The following ANK3 variants were observed in gnomAD, a reference collection of about 807,000 sequenced individuals.
ANK3 encodes the protein ankyrin-3.
Under a neutral mutation model 370.9 loss-of-function variants are expected in ANK3, and 57 were observed. The observed-to-expected ratio is 0.15, with a 90% confidence interval of 0.12 to 0.19. The LOEUF is 0.19. Ranked by LOEUF, ANK3 falls within the 10% of genes least tolerant of loss-of-function variation. The pLI is 1.00. For missense variants in ANK3, 4,439 were observed against 5,302.1 expected, an observed-to-expected ratio of 0.84 and a Z score of 5.06; for synonymous variants, 1,929 against 1,946.3, an observed-to-expected ratio of 0.99 and a Z score of 0.23.
intron 42 of ANK3, among the ~76,000 whole-genome samples, chr10:60,054,220 T>A (rs890240790): frequency 6.6e-6 from 1 of 152,218 alleles, no homozygotes; most frequent in African/African-American, 2.4e-5. Context: ...AATACCACTA[T>A]GTTATTGCTT....
chr10:60,388,620 G>A (rs1469150103), intron 1 of ANK3, among the ~76,000 whole-genome samples: 3 of 152,018 alleles, frequency 2.0e-5, no homozygotes, highest in Non-Finnish European at 4.4e-5. Context: ...AGTACTCACG[G>A]GCTATAATAA....
At chr10:60,647,465 A>C (rs2078723793) in intron 1 of ANK3, among the ~76,000 whole-genome samples, 1 of 152,172 alleles carries the variant, frequency 6.6e-6, no homozygotes, top group Non-Finnish European at 1.5e-5. Flanking sequence ...ATCACTGGAC[A>C]ACTTAATTGA....
intron 28 of ANK3, among the ~76,000 whole-genome samples, chr10:60,101,408 T>A (rs943872158): frequency 6.6e-6 from 1 of 152,210 alleles, no homozygotes; most frequent in African/African-American, 2.4e-5. Context: ...TAAACATGTT[T>A]AATTAAACTT....
At chr10:60,301,135 T>TAC (rs2043627009) in intron 1 of ANK3, among the ~76,000 whole-genome samples, 1 of 147,872 alleles carries the variant, frequency 6.8e-6, no homozygotes, top group South Asian at 2.1e-4. Flanking sequence ...TATATATATA[T>TAC]ATATATATAT....
In ANK3 at chr10:60,186,744, T is replaced by C. The variant is rs1273208051; in HGVS notation, c.2056A>G (p.Arg686Gly). The change falls in exon 17 of 44, where the codon AGA (arginine) becomes GGA (glycine). Residue 686 changes from arginine to glycine, a missense_variant. This residue lies in a region of ANK3 where 192 missense variants were observed against 192.1 expected (regional missense o/e 1.00). Transcript: ENST00000280772. Reference sequence around the variant, plus strand: ...TTGCTCAGGTTCACATTCGCATTTCTACCGAGGAGCAGCGACACCATGTCC... The same window carrying C: ...TTGCTCAGGTTCACATTCGCATTTCCACCGAGGAGCAGCGACACCATGTCC... ...HVDMVSLLLGRNANVNLSNKS... is the reference protein window; with the variant it reads ...HVDMVSLLLGGNANVNLSNKS... 2 of 1,614,078 alleles carry C rather than the reference T, an allele frequency of 1.2e-6. No individual in the cohort carries two copies. The highest frequency in any genetic ancestry group is 1.1e-5 in the South Asian group (1 of 91,072).
intron 1 of ANK3, among the ~76,000 whole-genome samples, chr10:60,358,831 T>G (rs2058175921): frequency 6.6e-6 from 1 of 152,230 alleles, no homozygotes; most frequent in Non-Finnish European, 1.5e-5. Flanking sequence ...GTTCCTTCTG[T>G]TTGATAAACC....
upstream of ANK3, among the ~76,000 whole-genome samples, chr10:60,393,157 A>G (rs1271425932): frequency 6.6e-6 from 1 of 152,230 alleles, no homozygotes; most frequent in Non-Finnish European, 1.5e-5. Context: ...AAAGGTACTT[A>G]TAATAAACAT....
rs543255912 is a variant in ANK3, at chr10:60,583,242, G to A, written c.96+31944C>T. 1.3e-4 allele frequency among the ~76,000 whole-genome samples: 20 copies of A among 152,238 alleles called. No individual in the cohort carries two copies. In the East Asian group the frequency reaches 3.1e-3, roughly 24 times the overall value. On this transcript the variant is annotated intron_variant, in intron 2 of 43. Transcript: ENST00000373827. ...GAATCTGGAGAACATTACCTGAAGC[G>A]AAATAAGCCAGGCACAGAAAGAGAA...
chr10:60,227,567 T>C (rs1592074940), intron 8 of ANK3, among the ~76,000 whole-genome samples: 1 of 152,208 alleles, frequency 6.6e-6, no homozygotes, highest in Non-Finnish European at 1.5e-5. Flanking sequence ...CGACTTGCTA[T>C]TATTCCACAG....
chr10:60,643,651 G>C (rs994554895), intron 1 of ANK3, among the ~76,000 whole-genome samples: 1 of 151,948 alleles, frequency 6.6e-6, no homozygotes, highest in Non-Finnish European at 1.5e-5. Context: ...CAATTTGAGT[G>C]ACTACAACCG....
chr10:60,636,408 A>C (rs1346823590), intron 1 of ANK3, among the ~76,000 whole-genome samples: 1 of 152,172 alleles, frequency 6.6e-6, no homozygotes, highest in East Asian at 1.9e-4. Flanking sequence ...CAAAGTCTCA[A>C]TTCCTCTGTT....
intron 1 of ANK3, among the ~76,000 whole-genome samples, chr10:60,323,539 C>T (rs779655294): frequency 6.6e-6 from 1 of 152,178 alleles, no homozygotes; most frequent in Non-Finnish European, 1.5e-5. Flanking sequence ...GAGATACACA[C>T]ACACACACCT....
chr10:60,121,182 C>A (rs2093442283), intron 25 of ANK3, among the ~76,000 whole-genome samples: 2 of 152,068 alleles, frequency 1.3e-5, no homozygotes, highest in South Asian at 2.1e-4. Context: ...ATGGATGGAA[C>A]TGGAGGTAAT....
chr10:60,252,720 T>C (rs969043513), intron 7 of ANK3, among the ~76,000 whole-genome samples: 3 of 152,228 alleles, frequency 2.0e-5, no homozygotes, highest in Admixed American at 6.5e-5. Context: ...TTTCTTATTA[T>C]GAGACTTTCT....
chr10:60,390,605 A>G (rs1213972923), upstream of ANK3, among the ~76,000 whole-genome samples: 1 of 152,090 alleles, frequency 6.6e-6, no homozygotes, highest in African/African-American at 2.4e-5. Flanking sequence ...ACACACCGGA[A>G]GAAATCTAAT....
chr10:60,299,826 C>T (rs954594871), intron 1 of ANK3, among the ~76,000 whole-genome samples: 7 of 152,164 alleles, frequency 4.6e-5, no homozygotes, highest in Admixed American at 2.0e-4. Flanking sequence ...CTTCTAATTA[C>T]ATCCTTCATC....
intron 2 of ANK3, among the ~76,000 whole-genome samples, chr10:60,462,584 CTTT>C (rs76654028): frequency 2.1e-5 from 3 of 140,660 alleles, no homozygotes; most frequent in Non-Finnish European, 3.1e-5. Context: ...AAAAATTTAG[CTTT>C]TTTTTTTTTT....
intron 8 of ANK3, among the ~76,000 whole-genome samples, chr10:60,234,343 C>T (rs1217327147): frequency 6.6e-6 from 1 of 152,106 alleles, no homozygotes; most frequent in Non-Finnish European, 1.5e-5. Flanking sequence ...TACATTTCTA[C>T]CAGCAGTGCA....
intron 25 of ANK3, among the ~76,000 whole-genome samples, chr10:60,131,547 A>G (rs1332134832): frequency 6.6e-6 from 1 of 152,230 alleles, no homozygotes. Flanking sequence ...CAAGAGCATC[A>G]GTTTCATCTC....
Sources: gnomAD v4.1 joint callset for allele counts (sites outside exome capture counted in the v4.1 genomes callset) on GRCh38, gnomAD v4.1.1 for gene constraint, gnomAD v4.1.1 regional missense constraint, MANE v1.5 for transcripts, NCBI Gene and HGNC (gene_info 2026-07-23, HGNC 2026-07-21) for gene names.